The following STPG2 variants were observed in gnomAD, a reference collection of about 807,000 sequenced individuals.
The protein encoded by STPG2 is sperm-tail PG-rich repeat-containing protein 2.
A neutral mutation model predicts 54.2 loss-of-function variants in STPG2; 56 were observed. The observed-to-expected ratio is 1.03, with a 90% CI of 0.83 to 1.29. The LOEUF (loss-of-function observed/expected upper bound fraction) is 1.29, where lower values mean the gene tolerates loss of function less well. Ranked by LOEUF, STPG2 falls within the 50% of genes most tolerant of loss-of-function variation. The pLI is 0.00. For synonymous variants in STPG2, 200 were observed against 181.8 expected (o/e 1.10, Z -0.81); for missense variants, 596 against 544.9 (o/e 1.09, Z -0.93).
intron 5 of STPG2, chr4:98,025,590 T>C (rs1418290295): frequency 1.6e-5 from 12 of 743,472 alleles, no homozygotes; most frequent in Non-Finnish European, 2.2e-5. Context: ...TATGCCCATA[T>C]AGACAGGGAT....
At chr4:97,687,690 T>C (rs1723242156) in intron 10 of STPG2, among the ~76,000 whole-genome samples, 1 of 152,172 alleles carries the variant, frequency 6.6e-6, no homozygotes, top group African/African-American at 2.4e-5. Context: ...CCTGACTGTG[T>C]GAAATGAGAG....
intron 8 of STPG2, among the ~76,000 whole-genome samples, chr4:97,889,405 A>G (rs1730687274): frequency 1.3e-5 from 2 of 152,246 alleles, no homozygotes; most frequent in Non-Finnish European, 2.9e-5. Flanking sequence ...TAGTCAAGAT[A>G]TGGAATAAAC....
At chr4:97,851,351 T>C (rs573997393) in intron 8 of STPG2, among the ~76,000 whole-genome samples, 2 of 152,318 alleles carry the variant, frequency 1.3e-5, no homozygotes, top group South Asian at 4.1e-4. Context: ...TCTAACAGTA[T>C]CTGTCTACCT....
At chr4:97,583,174 GA>G (rs1732903067) in intron 10 of STPG2, among the ~76,000 whole-genome samples, 1 of 151,972 alleles carries the variant, frequency 6.6e-6, no homozygotes, top group South Asian at 2.1e-4. Flanking sequence ...ACCACTAGAA[GA>G]AGAGATAAGT....
chr4:97,608,622 C>T (rs1167068895), intron 10 of STPG2, among the ~76,000 whole-genome samples: 1 of 152,010 alleles, frequency 6.6e-6, no homozygotes, highest in Admixed American at 6.6e-5. Context: ...ATTGAGAACA[C>T]TGACCAGAGT....
chr4:98,005,265 C>T (rs1017011225), intron 5 of STPG2, among the ~76,000 whole-genome samples: 36 of 152,146 alleles, frequency 2.4e-4, no homozygotes, highest in Non-Finnish European at 4.4e-4. Flanking sequence ...TCTGCCTCTC[C>T]TAGTCCAGTG....
chr4:98,001,324 T>A (rs565185562), intron 5 of STPG2, among the ~76,000 whole-genome samples: 2 of 151,828 alleles, frequency 1.3e-5, no homozygotes, highest in South Asian at 4.2e-4. Flanking sequence ...CCCTATGTGG[T>A]ACACTATCTA....
chr4:97,446,183 G>C (rs1382683181), intron 4 of STPG2, among the ~76,000 whole-genome samples: 1 of 152,128 alleles, frequency 6.6e-6, no homozygotes, highest in African/African-American at 2.4e-5. Flanking sequence ...GTATTAAAAA[G>C]ATAGGTTAAT....
chr4:97,966,705 T>A (rs1734111837), intron 7 of STPG2, among the ~76,000 whole-genome samples: 1 of 152,130 alleles, frequency 6.6e-6, no homozygotes, highest in Non-Finnish European at 1.5e-5. Context: ...CAGAAGAGAC[T>A]GGGGGACAAT....
intron 9 of STPG2, among the ~76,000 whole-genome samples, chr4:97,835,827 T>C (rs1252155303): frequency 6.6e-6 from 1 of 152,056 alleles, no homozygotes; most frequent in Non-Finnish European, 1.5e-5. Context: ...ATTCCATTCC[T>C]CATGAATTGA....
intron 5 of STPG2, among the ~76,000 whole-genome samples, chr4:97,985,432 A>C (rs1043757332): frequency 6.6e-6 from 1 of 152,186 alleles, no homozygotes; most frequent in South Asian, 2.1e-4. Context: ...TGTGTATTTA[A>C]AATTAATAAT....
intron 5 of STPG2, among the ~76,000 whole-genome samples, chr4:98,093,269 T>C (rs1249427880): frequency 6.6e-6 from 1 of 152,228 alleles, no homozygotes; most frequent in Non-Finnish European, 1.5e-5. Flanking sequence ...GCATAAAAGT[T>C]AATATTTGTG....
At chr4:98,133,231 T>A (rs896449839) in intron 2 of STPG2, among the ~76,000 whole-genome samples, 2 of 152,004 alleles carry the variant, frequency 1.3e-5, no homozygotes, top group African/African-American at 4.8e-5. Flanking sequence ...TCCAATTAAT[T>A]TGGGTGAAAT....
chr4:97,933,903 T>C (rs529437321), intron 8 of STPG2, among the ~76,000 whole-genome samples: 2 of 152,296 alleles, frequency 1.3e-5, no homozygotes, highest in African/African-American at 4.8e-5. Context: ...CTGTGAAGAA[T>C]GTCAATGGTA....
At chr4:97,487,101 G>A (rs1730385933) in intron 4 of STPG2, among the ~76,000 whole-genome samples, 1 of 151,248 alleles carries the variant, frequency 6.6e-6, no homozygotes, top group Non-Finnish European at 1.5e-5. Flanking sequence ...GGGAGGAAGG[G>A]TGGGAGTAGG....
chr4:98,074,735 A>G (rs1450671737), intron 5 of STPG2, among the ~76,000 whole-genome samples: 1 of 152,142 alleles, frequency 6.6e-6, no homozygotes. Flanking sequence ...AAAACCACCA[A>G]TGGCATTCTT....
At chr4:97,482,242 A>G (rs1730240090) in intron 4 of STPG2, among the ~76,000 whole-genome samples, 1 of 151,416 alleles carries the variant, frequency 6.6e-6, no homozygotes, top group Non-Finnish European at 1.5e-5. Flanking sequence ...ACAGTTTTTG[A>G]AAAAAAAGTT....
At chr4:97,441,869 G>A (rs192889430) in intron 4 of STPG2, among the ~76,000 whole-genome samples, 8 of 151,746 alleles carry the variant, frequency 5.3e-5, no homozygotes, top group East Asian at 1.9e-4. Context: ...AAAATGTTAC[G>A]ACAGAGCAAA....
At chr4:97,879,215 C>G (rs1011362516) in intron 8 of STPG2, among the ~76,000 whole-genome samples, 1 of 152,216 alleles carries the variant, frequency 6.6e-6, no homozygotes, top group Non-Finnish European at 1.5e-5. Flanking sequence ...TTCCTGTCTA[C>G]TTCTGAGGCT....
Sources: gnomAD v4.1 joint callset for allele counts (sites outside exome capture counted in the v4.1 genomes callset) on GRCh38, gnomAD v4.1.1 for gene constraint, MANE v1.5 for transcripts, NCBI Gene and HGNC (gene_info 2026-07-23, HGNC 2026-07-21) for gene names.